Variants in RAI1 observed in about 807,000 individuals in gnomAD.
RAI1 encodes the protein retinoic acid induced 1, also known as retinoic acid-induced protein 1.
In RAI1, 9 loss-of-function variants were observed where a neutral mutation model predicts 123.8. The observed-to-expected ratio is 0.07, with a 90% CI of 0.04 to 0.13. The LOEUF is 0.13. Ranked by LOEUF, RAI1 falls within the 10% of genes least tolerant of loss-of-function variation. The probability of loss-of-function intolerance (pLI) is 1.00; values close to 1 mark genes in which losing one functional copy is unlikely to be tolerated. For synonymous variants in RAI1, 1,231 were observed against 1,127.3 expected, an observed-to-expected ratio of 1.09 and a Z score of -1.84; for missense variants, 2,256 against 2,545.8, an observed-to-expected ratio of 0.89 and a Z score of 2.45.
intron 1 of RAI1, among the ~76,000 whole-genome samples, chr17:17,693,353 G>A (rs1274829861): frequency 6.6e-6 from 1 of 152,240 alleles, no homozygotes; most frequent in African/African-American, 2.4e-5. Context: ...GAAGGCAGGG[G>A]CAGCCTTCCT....
rs373577992 is a variant in RAI1, at chr17:17,783,071, T to TGTGG, written c.-16-9861_-16-9860insTGGG. Among the ~76,000 whole-genome samples, 4 of 152,220 alleles carry TGTGG rather than the reference T, an allele frequency of 2.6e-5. No homozygotes were observed. The East Asian group carries it at 5.8e-4, about 22-fold the overall frequency. On this transcript the variant is annotated intron_variant, in intron 2 of 5. Transcript: ENST00000353383. ...AATCAGGGAGATGAATGATGGGGGC[T>TGTGG]GGTGGCAGCCCCCCGCGGTCCCCGC...
chr17:17,798,564 G>T (rs1209933419), intron 3 of RAI1, 51 bp downstream of exon 3: 2 of 1,592,190 alleles, frequency 1.3e-6, no homozygotes, highest in Non-Finnish European at 8.5e-7. Flanking sequence ...CAAAGGACAG[G>T]CAGGCAGGCA....
chr17:17,804,715 A>G (rs2032562474), intron 4 of RAI1, among the ~76,000 whole-genome samples: 1 of 152,146 alleles, frequency 6.6e-6, no homozygotes, highest in South Asian at 2.1e-4. Context: ...GCTAGAGTGC[A>G]GGGGTGCAGT....
At chr17:17,756,637 CAT>C (rs1280020195) in intron 2 of RAI1, among the ~76,000 whole-genome samples, 1 of 130,678 alleles carries the variant, frequency 7.7e-6, no homozygotes, top group Non-Finnish European at 1.7e-5. Context: ...AGAAAATCTC[CAT>C]AGAGTCTTCC....
chr17:17,775,241 T>C (rs1434472803), intron 2 of RAI1, among the ~76,000 whole-genome samples: 3 of 149,950 alleles, frequency 2.0e-5, no homozygotes, highest in African/African-American at 7.4e-5. Context: ...TCTTGCTCTA[T>C]TGCCTGAGTT....
rs183986158 is a variant in RAI1 at position 17,727,689 on chromosome 17, G to A, written c.-17+3530G>A. 6.1e-3 allele frequency among the ~76,000 whole-genome samples: 930 copies of A among 152,294 alleles called. 12 individuals carry two copies. Among genetic ancestry groups the A allele is most frequent in the African/African-American group, 0.021 (871 of 41,554 alleles). ...GGTCTCTGGGGACCCTAGTGGTTGC[G>A]TCCTTGCCCCATGCCTCAGTTTACT... On this transcript the variant is annotated intron_variant, in intron 2 of 5. Transcript: ENST00000353383.
At chr17:17,724,899 C>T (rs1034756458) in intron 2 of RAI1, among the ~76,000 whole-genome samples, 1 of 152,112 alleles carries the variant, frequency 6.6e-6, no homozygotes, top group Non-Finnish European at 1.5e-5. Flanking sequence ...CCTCCCCACT[C>T]CCCGCACGAG....
chr17:17,786,927 G>T (rs1197949456), intron 2 of RAI1, among the ~76,000 whole-genome samples: 1 of 152,214 alleles, frequency 6.6e-6, no homozygotes, highest in African/African-American at 2.4e-5. Context: ...TACAAAATTA[G>T]CTGGGCGTTG....
intron 2 of RAI1, among the ~76,000 whole-genome samples, chr17:17,755,246 A>T (rs1259561334): frequency 6.6e-6 from 1 of 152,218 alleles, no homozygotes; most frequent in African/African-American, 2.4e-5. Flanking sequence ...GGCCCAGCGC[A>T]TGGTGTGTAA....
In RAI1 at chr17:17,809,205, AC is replaced by A. The variant is rs1252477400; in HGVS notation, c.5660-182del. On this transcript the variant is annotated intron_variant, in intron 4 of 5. Transcript: ENST00000353383. The surrounding 1 kb of genome is among the most constrained non-coding windows in gnomAD (Gnocchi z 4.9). ...TCAAGACTGCCAGGCCAGGGGCCGC[AC>A]CCGCGCCGTGGAGTGGAGTGGAGTG... 1.4e-6 allele frequency: 1 copy of A among 705,988 alleles called. No homozygotes were observed. Among genetic ancestry groups the A allele is most frequent in the East Asian group, 2.5e-5 (1 of 39,998 alleles). 43.7% of individuals were successfully genotyped at this position (705,988 alleles called of 1,614,324 possible).
intron 1 of RAI1, among the ~76,000 whole-genome samples, chr17:17,708,504 G>A (rs1472550018): frequency 6.6e-6 from 1 of 151,972 alleles, no homozygotes; most frequent in Non-Finnish European, 1.5e-5. Context: ...AAAGTCCTAG[G>A]CTCAAGCAAT....
intron 4 of RAI1, among the ~76,000 whole-genome samples, chr17:17,805,888 C>T (rs1037676046): frequency 7.9e-5 from 12 of 152,010 alleles, no homozygotes; most frequent in Non-Finnish European, 1.6e-4. Flanking sequence ...AGCGCCCGCT[C>T]CACTCCCAGC....
chr17:17,702,438 G>C (rs572556678), intron 1 of RAI1, among the ~76,000 whole-genome samples: 1 of 152,334 alleles, frequency 6.6e-6, no homozygotes, highest in Admixed American at 6.5e-5. Context: ...ATATGGGAAG[G>C]GGGGATAAGC....
chr17:17,695,933 A>ATGC (rs1348075662), intron 1 of RAI1, among the ~76,000 whole-genome samples: 1 of 152,180 alleles, frequency 6.6e-6, no homozygotes, highest in Non-Finnish European at 1.5e-5. Flanking sequence ...GGGAGGCTGT[A>ATGC]TGCTGGTTGA....
chr17:17,797,768 TCAC>T lies in RAI1; in HGVS notation c.4826_4828del (p.Thr1609del). 1 of 1,614,084 alleles carries T rather than the reference TCAC, an allele frequency of 6.2e-7. No individual in the cohort carries two copies. Among genetic ancestry groups the T allele is most frequent in the Non-Finnish European group, 8.5e-7 (1 of 1,180,028 alleles). ...GTGCGGGTGGAGAAGCGAGACGCGTTCACCACCATATGCACTGTTGTCAACTCC... is the reference window on the plus strand; with the variant it reads ...GTGCGGGTGGAGAAGCGAGACGCGTTCACCATATGCACTGTTGTCAACTCC... On this transcript the variant is annotated inframe_deletion, in exon 3 of 6. Coordinates refer to ENST00000353383, the MANE Select transcript of RAI1 (RefSeq NM_030665.4).
At chr17:17,719,169 A>C (rs1255502906) in intron 1 of RAI1, among the ~76,000 whole-genome samples, 1 of 152,120 alleles carries the variant, frequency 6.6e-6, no homozygotes, top group Middle Eastern at 3.2e-3. Flanking sequence ...TCACAGGGAG[A>C]AACTCTGACC....
intron 2 of RAI1, among the ~76,000 whole-genome samples, chr17:17,775,900 G>A (rs2031328475): frequency 6.6e-6 from 1 of 152,230 alleles, no homozygotes; most frequent in African/African-American, 2.4e-5. Flanking sequence ...CATATAAGTA[G>A]ACTGTGTTGT....
At chr17:17,749,456 A>T (rs2030066307) in intron 2 of RAI1, among the ~76,000 whole-genome samples, 1 of 152,256 alleles carries the variant, frequency 6.6e-6, no homozygotes, top group Admixed American at 6.5e-5. Flanking sequence ...ATCCAGGAGC[A>T]CTTCGAGTGT....
intron 2 of RAI1, among the ~76,000 whole-genome samples, chr17:17,732,752 G>A (rs549903883): frequency 6.6e-5 from 10 of 152,240 alleles, no homozygotes; most frequent in African/African-American, 2.2e-4. Context: ...AACCTGCTTC[G>A]TGCAGTCCTG....
Sources: allele counts gnomAD v4.1 joint callset (sites outside exome capture counted in the v4.1 genomes callset), GRCh38; gene constraint gnomAD v4.1.1; non-coding constraint Gnocchi (gnomAD v3.1); transcripts MANE v1.5; gene names NCBI Gene and HGNC (gene_info 2026-07-23, HGNC 2026-07-21).